The following MYT1L variants were observed in gnomAD, a reference collection of about 807,000 sequenced individuals.
MYT1L encodes the protein myelin transcription factor 1-like protein.
MYT1L carries 12 observed loss-of-function variants against 126.7 expected under a neutral mutation model. The ratio of observed to expected loss-of-function variants is 0.09; its 90% CI spans 0.06 to 0.15. The LOEUF is 0.15. Ranked by LOEUF, MYT1L falls within the 10% of genes least tolerant of loss-of-function variation. The pLI is 1.00. For missense variants in MYT1L, 979 were observed against 1,585.2 expected, an observed-to-expected ratio of 0.62 and a Z score of 6.49; for synonymous variants, 541 against 604.2, an observed-to-expected ratio of 0.90 and a Z score of 1.53.
intron 4 of MYT1L, among the ~76,000 whole-genome samples, chr2:2,007,970 T>TG (rs1448010845): frequency 6.6e-6 from 1 of 152,212 alleles, no homozygotes; most frequent in African/African-American, 2.4e-5. Flanking sequence ...ACATTCATGA[T>TG]GGTCAGCCAT....
intron 9 of MYT1L, among the ~76,000 whole-genome samples, chr2:1,928,898 G>A (rs927937896): frequency 6.6e-5 from 10 of 152,114 alleles, no homozygotes; most frequent in African/African-American, 1.7e-4. Context: ...CGCCACTCCA[G>A]GTGCCTGGGA....
chr2:2,070,992 T>C (rs1258453158), intron 3 of MYT1L, among the ~76,000 whole-genome samples: 1 of 152,212 alleles, frequency 6.6e-6, no homozygotes, highest in Non-Finnish European at 1.5e-5. Context: ...TAAGAATGAT[T>C]ATCCTAGTAG....
At chr2:2,026,559 G>C (rs920130928) in intron 4 of MYT1L, among the ~76,000 whole-genome samples, 2 of 152,224 alleles carry the variant, frequency 1.3e-5, no homozygotes, top group South Asian at 4.1e-4. Flanking sequence ...AGCTCAGTGC[G>C]TTAGTAAGAA....
At chr2:2,214,840 T>A (rs985591491) in intron 2 of MYT1L, among the ~76,000 whole-genome samples, 22 of 152,156 alleles carry the variant, frequency 1.4e-4, no homozygotes, top group Admixed American at 1.3e-3. Flanking sequence ...AGTAGCTAAA[T>A]CTCTTTAAAA....
Position 2,009,455 on chromosome 2 carries a change from GAT to G in MYT1L, c.-157-12110_-157-12109del, listed in dbSNP as rs1368158686. On this transcript the variant is annotated intron_variant, in intron 4 of 24. Coordinates refer to ENST00000647738, the MANE Select transcript of MYT1L (RefSeq NM_001303052.2). ...AAATTTGTTCCAAAATATCTTTTTT[GAT>G]GCTATCATAAATGGGATTGTTTTAC... is the stretch of plus-strand genomic sequence containing the variant. Among the ~76,000 whole-genome samples, 5 of 151,808 alleles carry G rather than the reference GAT, an allele frequency of 3.3e-5. No homozygotes were observed. In the East Asian group the frequency reaches 9.7e-4, roughly 29 times the overall value.
chr2:2,210,720 T>C (rs1234100609), intron 2 of MYT1L, among the ~76,000 whole-genome samples: 2 of 152,180 alleles, frequency 1.3e-5, no homozygotes, highest in East Asian at 1.9e-4. Flanking sequence ...AGGTCTTTTG[T>C]GGTTACATAT....
At chr2:2,049,974 T>TAA (rs974430895) in intron 4 of MYT1L, among the ~76,000 whole-genome samples, 3 of 151,774 alleles carry the variant, frequency 2.0e-5, no homozygotes, top group African/African-American at 7.3e-5. Flanking sequence ...TATATATATA[T>TAA]AAATATGTAT....
chr2:1,831,630 T>C (rs1411919307), intron 21 of MYT1L, among the ~76,000 whole-genome samples: 1 of 152,240 alleles, frequency 6.6e-6, no homozygotes, highest in East Asian at 1.9e-4. Context: ...CCACGGCCAA[T>C]GCCCCAAATG....
intron 3 of MYT1L, among the ~76,000 whole-genome samples, chr2:2,066,368 C>T (rs1393720215): frequency 6.6e-6 from 1 of 152,202 alleles, no homozygotes; most frequent in Non-Finnish European, 1.5e-5. Flanking sequence ...TCTCAGTCTT[C>T]AGGAACACAG....
chr2:2,038,640 A>C (rs1236934861), intron 4 of MYT1L, among the ~76,000 whole-genome samples: 1 of 152,092 alleles, frequency 6.6e-6, no homozygotes, highest in African/African-American at 2.4e-5. Context: ...ATCAGTCAGA[A>C]GTAATGTGAC....
intron 21 of MYT1L, among the ~76,000 whole-genome samples, chr2:1,814,044 G>A (rs56056931): frequency 0.64 from 86,894 of 136,624 alleles, 28,094 homozygotes; most frequent in South Asian, 0.78. Flanking sequence ...AAAAAAAAAA[G>A]AAAGAAAAAT....
chr2:1,910,183 C>T lies in MYT1L; in HGVS notation c.1817+57G>A, dbSNP rs561784293. ...CCCTGAGCGGGTGTCCCCAGCGCTCCGAGGTGTGGGGCAGACTATGGATAG... is the reference window on the plus strand; with the variant it reads ...CCCTGAGCGGGTGTCCCCAGCGCTCTGAGGTGTGGGGCAGACTATGGATAG... On this transcript the variant is annotated intron_variant, in intron 13 of 24. Transcript: ENST00000647738. The surrounding 1 kb of genome is among the most constrained non-coding windows in gnomAD (Gnocchi z 4.8). 4.7e-4 allele frequency: 710 copies of T among 1,505,228 alleles called. 6 individuals carry two copies. Among genetic ancestry groups the T allele is most frequent in the East Asian group, 6.8e-5 (3 of 44,006 alleles). The allele number at this position is 1,505,228 out of a possible 1,614,324, so 93.2% of individuals were successfully genotyped here. A position where few individuals can be genotyped will look rare whatever the true frequency, so the allele number is the denominator to read the frequency against.
At chr2:2,268,448 T>C (rs1343162238) in intron 2 of MYT1L, among the ~76,000 whole-genome samples, 2 of 152,176 alleles carry the variant, frequency 1.3e-5, no homozygotes, top group Admixed American at 1.3e-4. Flanking sequence ...GGTCAGTTTT[T>C]CCACATTTAG....
intron 9 of MYT1L, among the ~76,000 whole-genome samples, chr2:1,934,196 G>T (rs190311930): frequency 7.7e-4 from 116 of 150,900 alleles, no homozygotes; most frequent in African/African-American, 2.8e-3. Context: ...GGATGGTCTC[G>T]ATCTCCTGAC....
chr2:1,943,484 T>C lies in MYT1L; in HGVS notation c.153-150A>G, dbSNP rs963724627. The C allele has an allele frequency of 6.3e-6, 6 of 945,804 alleles. No individual in the cohort carries two copies. The highest frequency in any genetic ancestry group is 1.7e-5 in the African/African-American group (1 of 60,236). 58.6% of individuals were successfully genotyped at this position (945,804 alleles called of 1,614,324 possible). On this transcript the variant is annotated intron_variant, in intron 8 of 24. Coordinates refer to ENST00000647738, the MANE Select transcript of MYT1L (RefSeq NM_001303052.2). The surrounding 1 kb of genome is among the most constrained non-coding windows in gnomAD (Gnocchi z 4.4). ...GCACAAACACCAGAGAGACATAACA[T>C]ACATGTTCCCCGAAGTGTGCTGAAA...
At chr2:2,196,090 T>C (rs1484315953) in intron 2 of MYT1L, among the ~76,000 whole-genome samples, 1 of 151,956 alleles carries the variant, frequency 6.6e-6, no homozygotes, top group African/African-American at 2.4e-5. Flanking sequence ...AAATCACATC[T>C]GGGCATATCA....
chr2:2,166,788 C>G (rs2089198348), intron 3 of MYT1L, among the ~76,000 whole-genome samples: 1 of 152,150 alleles, frequency 6.6e-6, no homozygotes, highest in Non-Finnish European at 1.5e-5. Context: ...CTTTAGTAAC[C>G]CCCACATAAA....
intron 3 of MYT1L, among the ~76,000 whole-genome samples, chr2:2,146,093 T>C (rs1429700711): frequency 6.6e-6 from 1 of 152,226 alleles, no homozygotes; most frequent in Non-Finnish European, 1.5e-5. Flanking sequence ...CCAATGGCCA[T>C]TATGCAAGTT....
At chr2:1,903,650 G>A (rs115053839) in intron 13 of MYT1L, among the ~76,000 whole-genome samples, 6,326 of 152,180 alleles carry the variant, frequency 0.042, 205 homozygotes, top group Non-Finnish European at 0.059. Flanking sequence ...CGGTTACAAA[G>A]AGTTGCCGAA....
Sources: gnomAD v4.1 joint callset for allele counts (sites outside exome capture counted in the v4.1 genomes callset) on GRCh38, gnomAD v4.1.1 for gene constraint, Gnocchi (gnomAD v3.1) non-coding constraint, MANE v1.5 for transcripts, NCBI Gene and HGNC (gene_info 2026-07-23, HGNC 2026-07-21) for gene names.